The following GLRA3 variants were observed in gnomAD, a reference collection of about 807,000 sequenced individuals.
GLRA3 encodes the protein glycine receptor alpha 3, also known as glycine receptor subunit alpha-3.
In GLRA3, 44 loss-of-function variants were observed where a neutral mutation model predicts 60.4. The ratio of observed to expected loss-of-function variants is 0.73; its 90% confidence interval spans 0.57 to 0.94. GLRA3 has a LOEUF of 0.94. GLRA3 is among the 40% of genes least tolerant of loss of function. The pLI is 0.00. For missense variants in GLRA3, 508 were observed against 564.6 expected (o/e 0.90, Z 1.02); for synonymous variants, 223 against 192.9 (o/e 1.16, Z -1.29).
intron 7 of GLRA3, among the ~76,000 whole-genome samples, chr4:174,670,950 ATCTTGTGATAAGGG>A (rs1469650440): frequency 6.6e-6 from 1 of 152,068 alleles, no homozygotes; most frequent in Non-Finnish European, 1.5e-5. Context: ...TATACATTAT[ATCTTGTGATAAGGG>A]TATGAATAAA....
chr4:174,703,702 T>A (rs1015485775), intron 5 of GLRA3, among the ~76,000 whole-genome samples: 1 of 152,228 alleles, frequency 6.6e-6, no homozygotes, highest in Non-Finnish European at 1.5e-5. Context: ...TGCTGTCATC[T>A]AATGCCGCTC....
intron 3 of GLRA3, among the ~76,000 whole-genome samples, chr4:174,747,809 T>A (rs1737312127): frequency 6.7e-6 from 1 of 148,496 alleles, no homozygotes; most frequent in Non-Finnish European, 1.5e-5. Context: ...GTTCAGATAT[T>A]TGAGAAACCA....
intron 1 of GLRA3, among the ~76,000 whole-genome samples, chr4:174,811,361 G>T (rs544258819): frequency 6.6e-6 from 1 of 152,198 alleles, no homozygotes; most frequent in South Asian, 2.1e-4. Context: ...TCAGAAAAAG[G>T]TCAGGGCACC....
At chr4:174,710,502 CA>C in intron 5 of GLRA3, among the ~76,000 whole-genome samples, 1 of 152,176 alleles carries the variant, frequency 6.6e-6, no homozygotes, top group East Asian at 1.9e-4. Flanking sequence ...TTTTATATAG[CA>C]AATATTTGAA....
intron 4 of GLRA3, among the ~76,000 whole-genome samples, chr4:174,725,210 T>C (rs1262113996): frequency 6.6e-6 from 1 of 152,224 alleles, no homozygotes; most frequent in Admixed American, 6.5e-5. Context: ...AATCTATTCA[T>C]CTCTGTTGCT....
intron 3 of GLRA3, among the ~76,000 whole-genome samples, chr4:174,735,087 C>CG (rs1736717212): frequency 6.6e-6 from 1 of 152,262 alleles, no homozygotes; most frequent in South Asian, 2.1e-4. Context: ...ATTCATCCAC[C>CG]AGCCCCTTCT....
chr4:174,771,807 C>T (rs1391738966), intron 2 of GLRA3, among the ~76,000 whole-genome samples: 2 of 152,116 alleles, frequency 1.3e-5, no homozygotes, highest in East Asian at 3.9e-4. Context: ...AAGGATGAGG[C>T]ATTCTCTATA....
intron 3 of GLRA3, among the ~76,000 whole-genome samples, chr4:174,731,822 G>A (rs1052680383): frequency 2.0e-5 from 3 of 152,068 alleles, no homozygotes; most frequent in Admixed American, 6.6e-5. Context: ...AGAAACAACT[G>A]AGTAGAAAAA....
intron 7 of GLRA3, among the ~76,000 whole-genome samples, chr4:174,671,643 T>G (rs1216595993): frequency 6.6e-6 from 1 of 152,058 alleles, no homozygotes; most frequent in Non-Finnish European, 1.5e-5. Context: ...TCCTCATTAT[T>G]TTTCTTATTT....
At chr4:174,728,127 A>T (rs1736391684) in intron 4 of GLRA3, among the ~76,000 whole-genome samples, 1 of 152,216 alleles carries the variant, frequency 6.6e-6, no homozygotes, top group Admixed American at 6.5e-5. Context: ...CTTAACCTGT[A>T]AATATTTAAA....
intron 5 of GLRA3, among the ~76,000 whole-genome samples, chr4:174,691,049 G>C (rs986931669): frequency 6.6e-6 from 1 of 152,106 alleles, no homozygotes; most frequent in Non-Finnish European, 1.5e-5. Context: ...TAGAATTGCT[G>C]GGTTGAATGG....
intron 9 of GLRA3, among the ~76,000 whole-genome samples, chr4:174,653,002 T>C (rs560128652): frequency 5.3e-5 from 8 of 152,254 alleles, no homozygotes; most frequent in African/African-American, 1.9e-4. Flanking sequence ...ATTATTTGCA[T>C]CTTAAAGTTT....
intron 1 of GLRA3, among the ~76,000 whole-genome samples, chr4:174,796,951 C>T (rs553624392): frequency 1.3e-5 from 2 of 152,192 alleles, no homozygotes; most frequent in African/African-American, 4.8e-5. Context: ...ATATCTGAGC[C>T]TTGTACCATG....
intron 5 of GLRA3, among the ~76,000 whole-genome samples, chr4:174,692,333 G>A (rs1453999035): frequency 1.4e-4 from 21 of 146,204 alleles, no homozygotes; most frequent in South Asian, 1.1e-3. Context: ...TCAGCCCCCC[G>A]CTCGGCCAGC....
At chr4:174,722,804 T>C (rs1736181100) in intron 4 of GLRA3, 1 of 167,054 alleles carries the variant, frequency 6.0e-6, no homozygotes, top group African/African-American at 2.4e-5. Flanking sequence ...AACAAGATTT[T>C]TTCTTTTTCT....
intron 4 of GLRA3, among the ~76,000 whole-genome samples, chr4:174,723,584 T>C (rs1736210013): frequency 6.6e-6 from 1 of 152,080 alleles, no homozygotes; most frequent in African/African-American, 2.4e-5. Flanking sequence ...CTTTGCAAAA[T>C]GACTATTCCA....
chr4:174,756,102 G>A (rs967830593), intron 3 of GLRA3, among the ~76,000 whole-genome samples: 1 of 152,056 alleles, frequency 6.6e-6, no homozygotes, highest in African/African-American at 2.4e-5. Context: ...AATGGAACTT[G>A]GAACTTAAAA....
At chr4:174,778,968 C>A (rs1001211304) in intron 2 of GLRA3, among the ~76,000 whole-genome samples, 40 of 152,344 alleles carry the variant, frequency 2.6e-4, no homozygotes, top group Non-Finnish European at 4.6e-4. Context: ...TGGAGCCCAC[C>A]ACAGCTCAAG....
chr4:174,662,496 T>C (rs9992074), intron 7 of GLRA3, among the ~76,000 whole-genome samples: 48,444 of 152,086 alleles, frequency 0.32, 8,461 homozygotes, highest in Admixed American at 0.48. Context: ...TTTTAAGAAC[T>C]TGCCTGTCTT....
Sources: allele counts gnomAD v4.1 joint callset (sites outside exome capture counted in the v4.1 genomes callset), GRCh38; gene constraint gnomAD v4.1.1; transcripts MANE v1.5; gene names NCBI Gene and HGNC (gene_info 2026-07-23, HGNC 2026-07-21).